The following MAN2A1 variants were observed in gnomAD, a reference collection of about 807,000 sequenced individuals.
The protein encoded by MAN2A1 is mannosidase alpha class 2A member 1, also known as alpha-mannosidase 2.
MAN2A1 carries 76 observed loss-of-function variants against 142.6 expected under a neutral mutation model. That is an observed-to-expected ratio of 0.53 (90% confidence interval 0.44 to 0.65). The LOEUF is 0.65. Among genes scored for constraint, MAN2A1 ranks in the 30% least tolerant of loss-of-function variants. The probability of loss-of-function intolerance (pLI) is 0.00; values close to 1 mark genes in which losing one functional copy is unlikely to be tolerated. For missense variants in MAN2A1, 1,311 were observed against 1,365.1 expected (o/e 0.96, Z 0.62); for synonymous variants, 559 against 473.2 (o/e 1.18, Z -2.35).
chr5:109,842,241 T>A, intron 16 of MAN2A1, 87 bp from the exon 17 acceptor site: 1 of 772,364 alleles, frequency 1.3e-6, no homozygotes, highest in Non-Finnish European at 2.0e-6. Context: ...AAAATGTAAC[T>A]TTGGAAAGAG....
intron 12 of MAN2A1, among the ~76,000 whole-genome samples, chr5:109,790,704 T>TA (rs1561513736): frequency 2.6e-5 from 4 of 152,086 alleles, no homozygotes; most frequent in Admixed American, 2.0e-4. Flanking sequence ...CATTAGTAAA[T>TA]CTATTTGGCT....
At chr5:109,831,376 C>T (rs1041834826) in intron 16 of MAN2A1, among the ~76,000 whole-genome samples, 3 of 152,070 alleles carry the variant, frequency 2.0e-5, no homozygotes, top group Admixed American at 6.6e-5. Context: ...GGAAGTGAGT[C>T]ACTGAGAGGC....
intron 16 of MAN2A1, among the ~76,000 whole-genome samples, chr5:109,832,690 C>T (rs1035154706): frequency 1.2e-4 from 19 of 152,324 alleles, no homozygotes; most frequent in East Asian, 1.9e-4. Context: ...CTGCTAGGTA[C>T]ACCTCCCAGA....
chr5:109,770,500 A>G lies in MAN2A1; in HGVS notation c.1155A>G (p.Gly385=), dbSNP rs760308412. Residue 385 remains glycine (G), a synonymous_variant, in exon 7 of 22, where the codon GGA becomes GGG. Transcript: ENST00000261483. ...LPGGRFGCPW[G]VPPETIHPGN... ...GAGGCAGATTTGGTTGTCCCTGGGG[A>G]GTCCCCCCAGAAACAATACATCCTG... is the stretch of plus-strand genomic sequence containing the variant. 3 of 1,613,824 alleles carry G rather than the reference A, an allele frequency of 1.9e-6. No homozygotes were observed. The highest frequency in any genetic ancestry group is 1.3e-5 in the African/African-American group (1 of 75,032).
chr5:109,845,216 C>T (rs1359412880), intron 17 of MAN2A1, among the ~76,000 whole-genome samples: 1 of 152,066 alleles, frequency 6.6e-6, no homozygotes, highest in African/African-American at 2.4e-5. Flanking sequence ...GTCACTGTGA[C>T]CCAGATGGGC....
At chr5:109,725,389 G>C (rs1000955539) in intron 3 of MAN2A1, among the ~76,000 whole-genome samples, 1 of 152,136 alleles carries the variant, frequency 6.6e-6, no homozygotes, top group African/African-American at 2.4e-5. Context: ...AAGCGGTCCT[G>C]GTGCCAGGTC....
rs561227484 is a variant in MAN2A1 at position 109,770,713 on chromosome 5, G to A, written c.1196+172G>A. On this transcript the variant is annotated intron_variant, in intron 7 of 21. Coordinates refer to ENST00000261483, the MANE Select transcript of MAN2A1 (RefSeq NM_002372.4). ...AAAATGCCAGAGCCTTGACTATGCC[G>A]GTTATGTGTTACATTTTAATGGAAA... Among the ~76,000 whole-genome samples the A allele has an allele frequency of 5.3e-5, 8 of 152,002 alleles. No individual in the cohort carries two copies. In the South Asian group the frequency reaches 6.3e-4, roughly 12 times the overall value.
chr5:109,758,197 C>G (rs147926449), intron 5 of MAN2A1, among the ~76,000 whole-genome samples: 94 of 152,146 alleles, frequency 6.2e-4, no homozygotes, highest in African/African-American at 2.1e-3. Flanking sequence ...TACTGTCTCT[C>G]TTTTTTATTG....
chr5:109,721,309 T>C (rs1257782023), intron 3 of MAN2A1, among the ~76,000 whole-genome samples: 1 of 152,246 alleles, frequency 6.6e-6, no homozygotes, highest in Non-Finnish European at 1.5e-5. Context: ...TCTTTTCTTC[T>C]TGTGTTGTAG....
At chr5:109,776,069 CTTT>C (rs35427592) in intron 8 of MAN2A1, among the ~76,000 whole-genome samples, 2 of 134,978 alleles carry the variant, frequency 1.5e-5, no homozygotes, top group Admixed American at 7.2e-5. Context: ...CTTTTAAAGT[CTTT>C]TTTTTTTTTT....
intron 3 of MAN2A1, among the ~76,000 whole-genome samples, chr5:109,717,184 T>G (rs1453843738): frequency 6.6e-6 from 1 of 152,178 alleles, no homozygotes; most frequent in Non-Finnish European, 1.5e-5. Flanking sequence ...GGTAACCTAA[T>G]AATTTGAAGG....
chr5:109,780,659 G>T (rs1307805064), intron 8 of MAN2A1, among the ~76,000 whole-genome samples: 1 of 152,026 alleles, frequency 6.6e-6, no homozygotes, highest in African/African-American at 2.4e-5. Context: ...CTGTTTACAA[G>T]ATTTGGTATC....
chr5:109,709,138 A>G (rs2112555994), intron 1 of MAN2A1, among the ~76,000 whole-genome samples: 1 of 149,450 alleles, frequency 6.7e-6, no homozygotes, highest in East Asian at 2.0e-4. Context: ...CAAATTAACC[A>G]TCACATGGGG....
At position 109,713,771 on chromosome 5, in the gene MAN2A1, G is replaced by A. The variant is rs1181023205; in HGVS notation, c.387G>A (p.Val129=). The A allele has an allele frequency of 1.9e-6, 3 of 1,611,956 alleles. No homozygotes were observed. Among genetic ancestry groups the A allele is most frequent in the Non-Finnish European group, 2.5e-6 (3 of 1,179,258 alleles). ...ASQSGSHNSD[V]QMLDVYSLIS... The stretch of plus-strand genomic sequence containing the variant: ...AAAGTGGAAGTCACAATTCAGATGT[G>A]CAGGTAATGTATACATTCGTTAATA... The change falls in exon 2 of 22, where the codon GTG becomes GTA. Residue 129 remains valine (V), a synonymous_variant. Transcript: ENST00000261483.
intron 16 of MAN2A1, among the ~76,000 whole-genome samples, chr5:109,832,780 C>T (rs968323112): frequency 3.3e-5 from 5 of 151,400 alleles, no homozygotes; most frequent in Non-Finnish European, 7.4e-5. Flanking sequence ...TGCCCCCCAC[C>T]TCCCTCCCGG....
intron 1 of MAN2A1, among the ~76,000 whole-genome samples, chr5:109,695,251 G>A (rs1750780664): frequency 6.6e-6 from 1 of 152,200 alleles, no homozygotes; most frequent in South Asian, 2.1e-4. Context: ...TGGGTGTGTT[G>A]TTCCCAGATG....
intron 7 of MAN2A1, among the ~76,000 whole-genome samples, chr5:109,773,909 T>C (rs1424417907): frequency 6.6e-6 from 1 of 152,216 alleles, no homozygotes; most frequent in African/African-American, 2.4e-5. Flanking sequence ...AAGCTTTGTC[T>C]TTGTAAATAT....
At chr5:109,783,550 A>G (rs1290471042) in intron 9 of MAN2A1, among the ~76,000 whole-genome samples, 1 of 152,006 alleles carries the variant, frequency 6.6e-6, no homozygotes, top group Non-Finnish European at 1.5e-5. Flanking sequence ...GAGATTGTTT[A>G]CTCTCCTTTG....
chr5:109,701,783 T>C (rs1162624650), intron 1 of MAN2A1, among the ~76,000 whole-genome samples: 3 of 152,216 alleles, frequency 2.0e-5, no homozygotes, highest in Non-Finnish European at 4.4e-5. Context: ...TGATCAAGGG[T>C]AATGATGAGT....
Sources: allele counts gnomAD v4.1 joint callset (sites outside exome capture counted in the v4.1 genomes callset), GRCh38; gene constraint gnomAD v4.1.1; transcripts MANE v1.5; gene names NCBI Gene and HGNC (gene_info 2026-07-23, HGNC 2026-07-21).